Variants in TUT4 observed in about 807,000 individuals in gnomAD.
The protein encoded by TUT4 is terminal uridylyltransferase 4.
In TUT4, 36 loss-of-function variants were observed where a neutral mutation model predicts 192.2. The observed-to-expected ratio is 0.19, with a 90% CI of 0.14 to 0.25. TUT4 has a LOEUF of 0.25. Ranked by LOEUF, TUT4 falls within the 10% of genes least tolerant of loss-of-function variation. The probability of loss-of-function intolerance (pLI) is 1.00; values close to 1 mark genes in which losing one functional copy is unlikely to be tolerated. For missense variants in TUT4, 1,493 were observed against 1,957.2 expected (o/e 0.76, Z 4.47); for synonymous variants, 618 against 666.0 (o/e 0.93, Z 1.11).
At chr1:52,533,038 C>T (rs1049017889) in intron 1 of TUT4, among the ~76,000 whole-genome samples, 4 of 152,168 alleles carry the variant, frequency 2.6e-5, no homozygotes, top group East Asian at 1.9e-4. Context: ...CAACTAAATG[C>T]GATTCTGATT....
chr1:52,455,452 AT>A (rs1262521468), intron 20 of TUT4, among the ~76,000 whole-genome samples: 1 of 151,694 alleles, frequency 6.6e-6, no homozygotes, highest in Admixed American at 6.6e-5. Flanking sequence ...TACTAAATAT[AT>A]AAAAAATTAG....
rs1246103772 is a variant in TUT4, at chr1:52,532,314, ACTT to A, written c.-93-5944_-93-5942del. Among the ~76,000 whole-genome samples the A allele has an allele frequency of 9.3e-5, 14 of 150,976 alleles. No homozygotes were observed. In the East Asian group the frequency reaches 2.7e-3, roughly 29 times the overall value. Reference sequence around the variant, plus strand: ...TTCTAAATAACATGCTTAAGATAATACTTCTTGTTTTGTTTTAGCTTTTTTTTT... The same window carrying A: ...TTCTAAATAACATGCTTAAGATAATACTTGTTTTGTTTTAGCTTTTTTTTT... On this transcript the variant is annotated intron_variant, in intron 1 of 29. Transcript: ENST00000257177.
At chr1:52,528,674 CTTGG>C (rs1288579488) in intron 1 of TUT4, among the ~76,000 whole-genome samples, 2 of 152,014 alleles carry the variant, frequency 1.3e-5, no homozygotes, top group Non-Finnish European at 2.9e-5. Context: ...TTTGATTTTA[CTTGG>C]TTGATTTACT....
chr1:52,513,423 A>T (rs558856627), intron 3 of TUT4, among the ~76,000 whole-genome samples: 1 of 144,786 alleles, frequency 6.9e-6, no homozygotes, highest in East Asian at 2.0e-4. Context: ...AAGTACAATG[A>T]ATTGTACCAA....
intron 1 of TUT4, among the ~76,000 whole-genome samples, chr1:52,544,161 C>G (rs1437653959): frequency 6.6e-6 from 1 of 151,936 alleles, no homozygotes; most frequent in Non-Finnish European, 1.5e-5. Context: ...GTGGTGGGCG[C>G]CTGTAGTCCC....
At chr1:52,520,715 G>T (rs1219572565) in intron 2 of TUT4, among the ~76,000 whole-genome samples, 2 of 152,126 alleles carry the variant, frequency 1.3e-5, no homozygotes, top group East Asian at 1.9e-4. Context: ...ACCAACAGTA[G>T]CATCATTCCC....
intron 20 of TUT4, 108 bp downstream of exon 20, chr1:52,458,227 CA>C (rs1459395243): frequency 3.0e-6 from 2 of 660,878 alleles, no homozygotes; most frequent in East Asian, 2.8e-5. Context: ...AAACTTAGGA[CA>C]ACCATGATGG....
At chr1:52,541,741 T>C (rs940699937) in intron 1 of TUT4, among the ~76,000 whole-genome samples, 1 of 152,134 alleles carries the variant, frequency 6.6e-6, no homozygotes, top group African/African-American at 2.4e-5. Flanking sequence ...TGGGACTTCA[T>C]CAAATTTAAA....
At position 52,526,331 on chromosome 1, in the gene TUT4, T is replaced by C. The variant is rs772505060; in HGVS notation, c.-51A>G. ...TTGTGATATTATAAAATGGCAGATC[T>C]CCAGTAGTTTAAATTGCTTCAAGTC... On this transcript the variant is annotated 5_prime_UTR_variant, in exon 2 of 30. Transcript: ENST00000257177. 1.4e-6 allele frequency: 2 copies of C among 1,403,312 alleles called. No individual in the cohort carries two copies. Among genetic ancestry groups the C allele is most frequent in the Non-Finnish European group, 1.8e-6 (2 of 1,081,926 alleles). The allele number at this position is 1,403,312 out of a possible 1,614,324, so 86.9% of individuals were successfully genotyped here.
intron 1 of TUT4, among the ~76,000 whole-genome samples, chr1:52,548,831 A>C (rs777277598): frequency 1.3e-5 from 2 of 152,214 alleles, no homozygotes; most frequent in Non-Finnish European, 2.9e-5. Context: ...GTGAACATCA[A>C]ACTTGCATGA....
chr1:52,467,746 A>ATG (rs970758959), intron 15 of TUT4, among the ~76,000 whole-genome samples: 1 of 151,978 alleles, frequency 6.6e-6, no homozygotes, highest in African/African-American at 2.4e-5. Flanking sequence ...TACCTCTAAT[A>ATG]CTCCACTCCA....
At chr1:52,503,007 A>C (rs1215906700) in intron 4 of TUT4, among the ~76,000 whole-genome samples, 1 of 152,204 alleles carries the variant, frequency 6.6e-6, no homozygotes, top group African/African-American at 2.4e-5. Flanking sequence ...GCACCGTGCC[A>C]AGTGCTTTAC....
At chr1:52,475,622 C>A in intron 12 of TUT4, 87 bp from the exon 13 acceptor site, 2 of 1,218,540 alleles carry the variant, frequency 1.6e-6, no homozygotes, top group South Asian at 3.2e-5. Context: ...AACTGATAAA[C>A]TGTCAGGAGA....
At chr1:52,479,319 GT>G (rs971416337) in intron 11 of TUT4, among the ~76,000 whole-genome samples, 2 of 152,172 alleles carry the variant, frequency 1.3e-5, no homozygotes, top group Non-Finnish European at 2.9e-5. Context: ...TCTGGCTTAA[GT>G]TTTAGAAGAA....
At chr1:52,480,133 A>G (rs1668142706) in intron 11 of TUT4, among the ~76,000 whole-genome samples, 1 of 152,188 alleles carries the variant, frequency 6.6e-6, no homozygotes, top group African/African-American at 2.4e-5. Context: ...TCATACAGAC[A>G]GTACTTAAAA....
intron 4 of TUT4, among the ~76,000 whole-genome samples, chr1:52,499,358 A>G (rs776075476): frequency 6.6e-6 from 1 of 152,094 alleles, no homozygotes; most frequent in Non-Finnish European, 1.5e-5. Context: ...AGATCGTGCC[A>G]TTGCACTCCA....
rs185866944 is a variant in TUT4, at chr1:52,529,414, C to G, written c.-93-3041G>C. ...AAGTTGTCAAAACATATGACTATTT[C>G]TAAATTCTTGTGAGAACTGCTGCAG... On this transcript the variant is annotated intron_variant, in intron 1 of 29. Transcript: ENST00000257177. 1.2e-4 allele frequency among the ~76,000 whole-genome samples: 19 copies of G among 152,240 alleles called. No individual in the cohort carries two copies. In the East Asian group the frequency reaches 3.3e-3, roughly 26 times the overall value.
chr1:52,463,282 ACTC>A, intron 16 of TUT4: 1 of 989,224 alleles, frequency 1.0e-6, no homozygotes, highest in African/African-American at 1.7e-5. Context: ...CTCAATTCTT[ACTC>A]TTCAGAATGG....
At position 52,475,135 on chromosome 1, in the gene TUT4, T is replaced by C. The variant is rs1666760693; in HGVS notation, c.2424A>G (p.Ile808Met). ...CTTGTTTCTTATCTAATTTTGGCTCTATTTCACTGCTTTTGCTGGTAGAAA... is the reference window on the plus strand; with the variant it reads ...CTTGTTTCTTATCTAATTTTGGCTCCATTTCACTGCTTTTGCTGGTAGAAA... ...SSLSTSKSSE[I>M]EPKLDKKQDD... Residue 808 changes from isoleucine (I) to methionine (M), a missense_variant, in exon 13 of 30, where the codon ATA (isoleucine) becomes ATG (methionine). Ile to Met is a conservative substitution (Grantham distance 10, BLOSUM62 1). Coordinates refer to ENST00000257177, the MANE Select transcript of TUT4 (RefSeq NM_001009881.3). 6.2e-7 allele frequency: 1 copy of C among 1,614,188 alleles called. No individual in the cohort carries two copies. Among genetic ancestry groups the C allele is most frequent in the Non-Finnish European group, 8.5e-7 (1 of 1,180,042 alleles).
Sources: gnomAD v4.1 joint callset for allele counts (sites outside exome capture counted in the v4.1 genomes callset) on GRCh38, gnomAD v4.1.1 for gene constraint, MANE v1.5 for transcripts, NCBI Gene and HGNC (gene_info 2026-07-23, HGNC 2026-07-21) for gene names.